COL4A2: variants seen among roughly 807,000 people sequenced by gnomAD.
COL4A2 encodes the protein collagen type IV alpha 2 chain.
COL4A2 carries 99 observed loss-of-function variants against 200.2 expected under a neutral mutation model. That is an observed-to-expected ratio of 0.49 (90% CI 0.42 to 0.58). The LOEUF is 0.58. COL4A2 is among the 20% of genes least tolerant of loss of function. The pLI, the probability that COL4A2 is intolerant of heterozygous loss-of-function variation, is 0.00. For missense variants in COL4A2, 1,950 were observed against 2,314.1 expected (o/e 0.84, Z 3.23); for synonymous variants, 897 against 900.6 (o/e 1.00, Z 0.07).
intron 10 of COL4A2, 151 bp downstream of exon 10, chr13:110,430,758 C>A (rs1470192892): frequency 2.8e-6 from 3 of 1,064,978 alleles, no homozygotes; most frequent in Non-Finnish European, 4.4e-6. Context: ...CAAAACGGAC[C>A]ATTCCTTGCA....
chr13:110,324,102 A>G (rs1201866615), intron 3 of COL4A2, among the ~76,000 whole-genome samples: 1 of 150,298 alleles, frequency 6.7e-6, no homozygotes, highest in African/African-American at 2.4e-5. Context: ...TCAATTTAAT[A>G]GCATGGTTTT....
chr13:110,424,269 T>C (rs1383118935), intron 4 of COL4A2, among the ~76,000 whole-genome samples: 2 of 150,708 alleles, frequency 1.3e-5, no homozygotes, highest in African/African-American at 4.9e-5. Flanking sequence ...CTCTTTTTTT[T>C]CCCTCTATGT....
At chr13:110,360,225 G>T (rs1008460407) in intron 4 of COL4A2, among the ~76,000 whole-genome samples, 1 of 152,226 alleles carries the variant, frequency 6.6e-6, no homozygotes, top group East Asian at 1.9e-4. Context: ...CGGAGTTCGT[G>T]TCTAGAGCGA....
At chr13:110,336,752 C>T (rs906804054) in intron 3 of COL4A2, among the ~76,000 whole-genome samples, 4 of 152,300 alleles carry the variant, frequency 2.6e-5, no homozygotes, top group African/African-American at 9.6e-5. Flanking sequence ...ATATTATATA[C>T]AGAGCCTTGA....
intron 4 of COL4A2, among the ~76,000 whole-genome samples, chr13:110,381,287 C>T (rs575279162): frequency 6.9e-6 from 1 of 143,916 alleles, no homozygotes; most frequent in Non-Finnish European, 1.5e-5. Flanking sequence ...TCACGCCCAC[C>T]GGCTCTATGT....
chr13:110,307,676 G>A lies in COL4A2; in HGVS notation c.-45+148G>A, dbSNP rs1021782788. ...GAAGACCGAGCTCCTCGGCCAAGGA[G>A]CACCCACAGGGGCCTAACGGGAGGC... is the stretch of plus-strand genomic sequence containing the variant. On this transcript the variant is annotated intron_variant, in intron 1 of 47. Coordinates refer to ENST00000360467, the MANE Select transcript of COL4A2 (RefSeq NM_001846.4). This position sits in a 1 kb window ranked among gnomAD's most constrained non-coding sequence, Gnocchi z 5.0. 12 of 595,690 alleles carry A rather than the reference G, an allele frequency of 2.0e-5. No individual in the cohort carries two copies. Among genetic ancestry groups the A allele is most frequent in the Non-Finnish European group, 3.2e-5 (11 of 342,120 alleles). 36.9% of individuals were successfully genotyped at this position (595,690 alleles called of 1,614,324 possible).
rs1309969667 is a variant in COL4A2 at position 110,429,594 on chromosome 13, A to C, written c.478-291A>C. Among the ~76,000 whole-genome samples the C allele has an allele frequency of 2.6e-5, 4 of 152,250 alleles. No homozygotes were observed. In the South Asian group the frequency reaches 8.3e-4, roughly 32 times the overall value. ...TCAGAAATAAAAATAACATTGGCAT[A>C]CTAGAGGGTTGGTTGACAGAGCATT... On this transcript the variant is annotated intron_variant, in intron 7 of 47. Transcript: ENST00000360467.
chr13:110,309,772 G>A (rs548928899), intron 3 of COL4A2, among the ~76,000 whole-genome samples: 1 of 151,598 alleles, frequency 6.6e-6, no homozygotes, highest in South Asian at 2.1e-4. Flanking sequence ...TGGATTGCCT[G>A]AGCTCAGGAG....
At chr13:110,410,996 C>T (rs1879808156) in intron 4 of COL4A2, among the ~76,000 whole-genome samples, 1 of 152,190 alleles carries the variant, frequency 6.6e-6, no homozygotes, top group South Asian at 2.1e-4. Flanking sequence ...CCCTTTTCTC[C>T]TCTCAGCTGC....
intron 3 of COL4A2, among the ~76,000 whole-genome samples, chr13:110,323,047 A>T (rs1042025308): frequency 2.6e-5 from 4 of 152,216 alleles, no homozygotes; most frequent in African/African-American, 4.8e-5. Flanking sequence ...AGCTGTTACA[A>T]CCAACCCAGC....
intron 3 of COL4A2, among the ~76,000 whole-genome samples, chr13:110,317,081 C>A (rs984770721): frequency 6.6e-6 from 1 of 151,550 alleles, no homozygotes; most frequent in Non-Finnish European, 1.5e-5. Context: ...CACACACATG[C>A]ACCCAGCACA....
At chr13:110,319,214 G>T (rs372771231) in intron 3 of COL4A2, among the ~76,000 whole-genome samples, 3 of 152,066 alleles carry the variant, frequency 2.0e-5, no homozygotes, top group African/African-American at 4.8e-5. Flanking sequence ...AGAACTGGTG[G>T]AGATGCGCCT....
At chr13:110,390,982 C>T (rs1878964657) in intron 4 of COL4A2, among the ~76,000 whole-genome samples, 1 of 152,160 alleles carries the variant, frequency 6.6e-6, no homozygotes, top group African/African-American at 2.4e-5. Flanking sequence ...ACTGTTTATC[C>T]AATCATTTGG....
intron 45 of COL4A2, among the ~76,000 whole-genome samples, chr13:110,504,795 A>AC (rs138813919): frequency 0.11 from 16,032 of 151,828 alleles, 1,117 homozygotes; most frequent in East Asian, 0.3. Flanking sequence ...TGTAGTAGAG[A>AC]CGGGGTTTCA....
intron 20 of COL4A2, among the ~76,000 whole-genome samples, chr13:110,455,701 A>T (rs913758184): frequency 1.5e-4 from 23 of 152,358 alleles, no homozygotes; most frequent in Non-Finnish European, 2.8e-4. Flanking sequence ...GTAAACGTGC[A>T]GTGAGCAAAC....
chr13:110,445,997 TC>T (rs1881306427), intron 17 of COL4A2, 115 bp downstream of exon 17: 3 of 1,074,682 alleles, frequency 2.8e-6, no homozygotes, highest in African/African-American at 1.6e-5. Context: ...AAGTACAAGA[TC>T]CCCAAATACA....
At chr13:110,316,382 T>C (rs926627965) in intron 3 of COL4A2, among the ~76,000 whole-genome samples, 1 of 152,188 alleles carries the variant, frequency 6.6e-6, no homozygotes, top group Admixed American at 6.5e-5. Flanking sequence ...GAGATGCCGA[T>C]TGGCAGCCGT....
At chr13:110,446,918 G>A in intron 18 of COL4A2, 54 bp downstream of exon 18, 1 of 1,454,060 alleles carries the variant, frequency 6.9e-7, no homozygotes, top group East Asian at 2.3e-5. Context: ...ATTCTCTCCT[G>A]TTAGGGACAC....
intron 3 of COL4A2, among the ~76,000 whole-genome samples, chr13:110,314,822 A>T (rs889029639): frequency 4.6e-5 from 7 of 152,170 alleles, no homozygotes; most frequent in Non-Finnish European, 8.8e-5. Flanking sequence ...CTGCCTAGGA[A>T]ACCCCATGGG....
Sources: gnomAD v4.1 joint callset for allele counts (sites outside exome capture counted in the v4.1 genomes callset) on GRCh38, gnomAD v4.1.1 for gene constraint, Gnocchi (gnomAD v3.1) non-coding constraint, MANE v1.5 for transcripts, NCBI Gene and HGNC (gene_info 2026-07-23, HGNC 2026-07-21) for gene names.